IQCK: variants seen among roughly 807,000 people sequenced by gnomAD.
IQCK encodes the protein IQ domain-containing protein K.
IQCK carries 29 observed loss-of-function variants against 28.1 expected under a neutral mutation model. The ratio of observed to expected loss-of-function variants is 1.03; its 90% CI spans 0.77 to 1.41. IQCK has a LOEUF of 1.41. Among genes scored for constraint, IQCK ranks in the 40% most tolerant of loss-of-function variants. IQCK has a pLI of 0.00. For missense variants in IQCK, 359 were observed against 314.7 expected (o/e 1.14, Z -1.07); for synonymous variants, 113 against 115.1 (o/e 0.98, Z 0.12).
intron 9 of IQCK, among the ~76,000 whole-genome samples, chr16:19,845,235 T>C (rs1341648148): frequency 6.6e-6 from 1 of 152,240 alleles, no homozygotes; most frequent in Non-Finnish European, 1.5e-5. Context: ...CTCAATTGTT[T>C]ATTAATTTGT....
At chr16:19,718,917 G>C (rs1480274986) in intron 1 of IQCK, among the ~76,000 whole-genome samples, 1 of 152,194 alleles carries the variant, frequency 6.6e-6, no homozygotes, top group Non-Finnish European at 1.5e-5. Flanking sequence ...GAGCACCCCA[G>C]GTAATCCTAA....
exon 3 of IQCK, chr16:19,733,731 T>G: frequency 6.2e-7 from 1 of 1,614,244 alleles, no homozygotes; most frequent in South Asian, 1.1e-5. Flanking sequence ...TTTTCATGGC[T>G]TCAGTGCAGA....
chr16:19,826,938 G>A (rs16969203), intron 7 of IQCK, 88 bp from the exon 8 acceptor site: 87,452 of 833,242 alleles, frequency 0.1, 6,253 homozygotes, highest in East Asian at 0.25. Context: ...CATCCAACTG[G>A]TTTGTAAAGG....
At chr16:19,725,228 C>G (rs1033123593) in intron 1 of IQCK, among the ~76,000 whole-genome samples, 6 of 152,012 alleles carry the variant, frequency 3.9e-5, no homozygotes, top group Non-Finnish European at 8.8e-5. Flanking sequence ...TTTTTTGAGA[C>G]AGGCTGTCGC....
chr16:19,718,502 C>G lies in IQCK; in HGVS notation c.181+15C>G. 6.3e-7 allele frequency: 1 copy of G among 1,584,322 alleles called. No individual in the cohort carries two copies. The highest frequency in any genetic ancestry group is 8.6e-7 in the Non-Finnish European group (1 of 1,166,378). ...GATCTGCAAGGGTAGGAAACCTGGG[C>G]TGGCCGAGAGGGGCGGGACCCGGGC... On this transcript the variant is annotated intron_variant, in intron 1 of 7. Coordinates refer to ENST00000564186, the Ensembl canonical transcript of IQCK.
chr16:19,747,305 A>G (rs2054923918), intron 4 of IQCK, among the ~76,000 whole-genome samples: 1 of 152,048 alleles, frequency 6.6e-6, no homozygotes. Flanking sequence ...GTGGTCTCTC[A>G]TCCTCTATCA....
intron 7 of IQCK, among the ~76,000 whole-genome samples, chr16:19,813,733 T>C (rs1366817307): frequency 2.0e-5 from 3 of 152,142 alleles, no homozygotes; most frequent in Non-Finnish European, 4.4e-5. Flanking sequence ...TAAATAGTTA[T>C]TAACCAATAG....
chr16:19,835,119 T>C (rs1054856879), intron 9 of IQCK, among the ~76,000 whole-genome samples: 1 of 151,796 alleles, frequency 6.6e-6, no homozygotes, highest in Non-Finnish European at 1.5e-5. Context: ...ACAAAAAAAT[T>C]AGCCAGGCAT....
At chr16:19,836,897 C>T (rs571750236) in intron 9 of IQCK, among the ~76,000 whole-genome samples, 9 of 152,146 alleles carry the variant, frequency 5.9e-5, no homozygotes, top group Non-Finnish European at 1.0e-4. Context: ...TCCCATTTCT[C>T]ACTGTGCAAC....
intron 2 of IQCK, among the ~76,000 whole-genome samples, chr16:19,730,794 A>C (rs1327372382): frequency 6.6e-6 from 1 of 151,986 alleles, no homozygotes; most frequent in Non-Finnish European, 1.5e-5. Context: ...CTATTTTTTG[A>C]GACAGGCTCT....
chr16:19,760,680 T>TA (rs1355957081), intron 4 of IQCK, among the ~76,000 whole-genome samples: 2 of 152,006 alleles, frequency 1.3e-5, no homozygotes, highest in East Asian at 3.9e-4. Context: ...ATCTGGAGGG[T>TA]ATGTTATGGG....
chr16:19,858,246 A>G (rs1402232940), exon 10 of IQCK: 2 of 375,196 alleles, frequency 5.3e-6, no homozygotes, highest in Non-Finnish European at 9.4e-6. Flanking sequence ...CCCATTATGA[A>G]GGCGTTCAGC....
intron 7 of IQCK, among the ~76,000 whole-genome samples, chr16:19,804,536 C>G (rs2151741636): frequency 6.6e-6 from 1 of 152,048 alleles, no homozygotes; most frequent in Non-Finnish European, 1.5e-5. Context: ...CTCCCAGGCT[C>G]AAACAGCCCT....
At chr16:19,822,067 C>CAAAAAAAAAAA (rs35060834) in intron 7 of IQCK, among the ~76,000 whole-genome samples, 63 of 64,518 alleles carry the variant, frequency 9.8e-4, no homozygotes, top group East Asian at 1.5e-3. Context: ...GACCCTGTCT[C>CAAAAAAAAAAA]AAAAAAAAAA....
intron 4 of IQCK, among the ~76,000 whole-genome samples, chr16:19,737,264 AT>A: frequency 6.6e-6 from 1 of 152,214 alleles, no homozygotes; most frequent in East Asian, 1.9e-4. Context: ...AGTTAATGAT[AT>A]CACCCAACTA....
In IQCK at chr16:19,743,206, C is replaced by T. The variant is rs1442667508; in HGVS notation, c.474+7756C>T. ...ATAAATAAATAAAAGTCAGGGCCTA[C>T]TTTTAAGATCATAATTAAGCTACAT... On this transcript the variant is annotated intron_variant, in intron 4 of 7. Coordinates refer to ENST00000564186, the Ensembl canonical transcript of IQCK. Among the ~76,000 whole-genome samples, 3 of 151,862 alleles carry T rather than the reference C, an allele frequency of 2.0e-5. No individual in the cohort carries two copies. In the East Asian group the frequency reaches 6.0e-4, roughly 30 times the overall value.
At chr16:19,848,605 T>C (rs1749141430) in intron 9 of IQCK, among the ~76,000 whole-genome samples, 1 of 152,246 alleles carries the variant, frequency 6.6e-6, no homozygotes, top group African/African-American at 2.4e-5. Context: ...ACCTTCTTCA[T>C]GTGCCACATA....
At chr16:19,755,326 C>G (rs1034311140) in intron 4 of IQCK, among the ~76,000 whole-genome samples, 1 of 152,184 alleles carries the variant, frequency 6.6e-6, no homozygotes, top group African/African-American at 2.4e-5. Flanking sequence ...GGCAGCCACT[C>G]TTAGATGGCA....
chr16:19,749,659 A>G (rs2054959139), intron 4 of IQCK, among the ~76,000 whole-genome samples: 1 of 152,132 alleles, frequency 6.6e-6, no homozygotes, highest in Non-Finnish European at 1.5e-5. Context: ...CCAGGTACTC[A>G]GAAGGCTGAG....
Sources: gnomAD v4.1 joint callset for allele counts (sites outside exome capture counted in the v4.1 genomes callset) on GRCh38, gnomAD v4.1.1 for gene constraint, MANE v1.5 for transcripts, NCBI Gene and HGNC (gene_info 2026-07-23, HGNC 2026-07-21) for gene names.